Variants in NRG3 observed in about 807,000 individuals in gnomAD.
The protein encoded by NRG3 is pro-neuregulin-3, membrane-bound isoform.
NRG3 carries 31 observed loss-of-function variants against 66.9 expected under a neutral mutation model. That is an observed-to-expected ratio of 0.46 (90% CI 0.35 to 0.63). NRG3 has a LOEUF of 0.63. Among genes scored for constraint, NRG3 ranks in the 20% least tolerant of loss-of-function variants. The pLI, the probability that NRG3 is intolerant of heterozygous loss-of-function variation, is 0.00. For missense variants in NRG3, 910 were observed against 878.9 expected (o/e 1.04, Z -0.45); for synonymous variants, 393 against 359.4 (o/e 1.09, Z -1.06).
At chr10:82,579,694 A>G (rs1756745451) in intron 2 of NRG3, among the ~76,000 whole-genome samples, 1 of 151,954 alleles carries the variant, frequency 6.6e-6, no homozygotes, top group Admixed American at 6.6e-5. Flanking sequence ...TGTAGCAACA[A>G]ACATTTCCCC....
At chr10:82,849,807 G>C (rs1454688118) in intron 3 of NRG3, among the ~76,000 whole-genome samples, 1 of 152,170 alleles carries the variant, frequency 6.6e-6, no homozygotes, top group Non-Finnish European at 1.5e-5. Context: ...AGTGTGGTCA[G>C]AGAAGACCAC....
intron 1 of NRG3, among the ~76,000 whole-genome samples, chr10:82,179,258 C>T (rs971195847): frequency 6.6e-6 from 1 of 151,838 alleles, no homozygotes; most frequent in African/African-American, 2.4e-5. Flanking sequence ...TTGATTTAGT[C>T]TCACTTATCT....
rs11458166 is a variant in NRG3, at chr10:82,084,502, A to ACTTTT, written c.823+208339_823+208340insCTTTT. Among the ~76,000 whole-genome samples the ACTTTT allele has an allele frequency of 8.9e-5, 13 of 145,384 alleles. 1 individual carries two copies. Among genetic ancestry groups the ACTTTT allele is most frequent in the African/African-American group, 7.6e-5 (3 of 39,530 alleles). On this transcript the variant is annotated intron_variant, in intron 1 of 8. Coordinates refer to ENST00000372141, the MANE Select transcript of NRG3 (RefSeq NM_001010848.4). ...TCTCCAAATTTGGGACATATATGAG[A>ACTTTT]TTTTTTTTTTTTTTTGCCATCATAG...
chr10:82,486,219 A>G (rs1322530177), intron 2 of NRG3, among the ~76,000 whole-genome samples: 1 of 152,232 alleles, frequency 6.6e-6, no homozygotes. Flanking sequence ...GGACTGTAAA[A>G]TAGTGCAGCT....
In NRG3 at chr10:82,865,394, T is replaced by A. The variant is rs1162444862; in HGVS notation, c.1028-17T>A. 6.2e-7 allele frequency: 1 copy of A among 1,612,742 alleles called. No individual in the cohort carries two copies. The highest frequency in any genetic ancestry group is 2.2e-5 in the East Asian group (1 of 44,832). ...TCTTTTTCTCTTCCCCTTCCTTCCA[T>A]GCTGACTTTGGTGTAGCAGACCACT... On this transcript the variant is annotated splice_polypyrimidine_tract_variant and intron_variant, in intron 3 of 8. Transcript: ENST00000372141.
chr10:81,971,072 A>G (rs10786786), intron 1 of NRG3, among the ~76,000 whole-genome samples: 72,003 of 152,050 alleles, frequency 0.47, 21,601 homozygotes, highest in African/African-American at 0.82. Flanking sequence ...CCTGGGAGGC[A>G]GAGGTTGCAG....
chr10:82,965,054 G>C (rs532379786), intron 6 of NRG3, among the ~76,000 whole-genome samples: 2 of 152,314 alleles, frequency 1.3e-5, no homozygotes, highest in South Asian at 2.1e-4. Flanking sequence ...GGGCCAGTTG[G>C]ATGAATGCTT....
At chr10:82,565,600 G>A (rs2045350319) in intron 2 of NRG3, among the ~76,000 whole-genome samples, 1 of 152,016 alleles carries the variant, frequency 6.6e-6, no homozygotes, top group African/African-American at 2.4e-5. Context: ...TCCATCTGAA[G>A]CTGATTTTTG....
At chr10:82,498,088 TG>T (rs200407822) in intron 2 of NRG3, among the ~76,000 whole-genome samples, 259 of 151,904 alleles carry the variant, frequency 1.7e-3, no homozygotes, top group African/African-American at 5.0e-3. Flanking sequence ...TTGAGTTATT[TG>T]GTTTTTTTTT....
intron 2 of NRG3, among the ~76,000 whole-genome samples, chr10:82,500,531 C>T (rs549064352): frequency 7.9e-5 from 12 of 152,234 alleles, no homozygotes; most frequent in South Asian, 2.1e-4. Context: ...TCCTTGCTTC[C>T]GCTGCAGTGC....
chr10:82,543,467 A>G lies in NRG3; in HGVS notation c.953+184599A>G, dbSNP rs550127106. Among the ~76,000 whole-genome samples, 46 of 152,310 alleles carry G rather than the reference A, an allele frequency of 3.0e-4. No individual in the cohort carries two copies. The South Asian group carries it at 8.3e-3, about 27-fold the overall frequency. ...AAGTAATTTATCTGTCCATCTGTCC[A>G]TGTATCTATCCACCAATGTCTTTAT... On this transcript the variant is annotated intron_variant, in intron 2 of 8. Transcript: ENST00000372141.
chr10:82,286,513 T>C (rs1433230752), intron 1 of NRG3, among the ~76,000 whole-genome samples: 2 of 152,224 alleles, frequency 1.3e-5, no homozygotes, highest in East Asian at 3.8e-4. Flanking sequence ...ATATCTCATA[T>C]TCCTAACATG....
At chr10:82,592,686 A>G (rs1282943581) in intron 2 of NRG3, among the ~76,000 whole-genome samples, 1 of 152,134 alleles carries the variant, frequency 6.6e-6, no homozygotes, top group Non-Finnish European at 1.5e-5. Flanking sequence ...TCATGCAGCT[A>G]TCTATGCTGC....
At chr10:82,972,986 G>T (rs368294129) in intron 6 of NRG3, among the ~76,000 whole-genome samples, 171 of 152,162 alleles carry the variant, frequency 1.1e-3, no homozygotes, top group African/African-American at 3.9e-3. Flanking sequence ...CTTTTATTTT[G>T]ATTAGCATCC....
intron 1 of NRG3, among the ~76,000 whole-genome samples, chr10:82,301,411 G>T (rs1327611477): frequency 6.6e-6 from 1 of 151,936 alleles, no homozygotes; most frequent in Non-Finnish European, 1.5e-5. Flanking sequence ...ACTGTCTTGT[G>T]CCAGGCACTG....
intron 1 of NRG3, among the ~76,000 whole-genome samples, chr10:82,134,913 A>G (rs1293172929): frequency 1.3e-5 from 2 of 152,014 alleles, no homozygotes; most frequent in Non-Finnish European, 2.9e-5. Context: ...ACCTGAGGTC[A>G]GGAGTTCAAG....
Position 81,969,544 on chromosome 10 carries a change from A to G in NRG3, c.823+93381A>G, listed in dbSNP as rs2059849956. Among the ~76,000 whole-genome samples, 4 of 152,312 alleles carry G rather than the reference A, an allele frequency of 2.6e-5. No homozygotes were observed. In the South Asian group the frequency reaches 8.3e-4, roughly 32 times the overall value. On this transcript the variant is annotated intron_variant, in intron 1 of 8. Coordinates refer to ENST00000372141, the MANE Select transcript of NRG3 (RefSeq NM_001010848.4). Reference sequence around the variant, plus strand: ...AGCTGACATTTCATTTTAAAATGGAAAATGATACACAAAAAAATCCAGCGT... The same window carrying G: ...AGCTGACATTTCATTTTAAAATGGAGAATGATACACAAAAAAATCCAGCGT...
chr10:81,969,625 C>T (rs1217717350), intron 1 of NRG3, among the ~76,000 whole-genome samples: 5 of 152,200 alleles, frequency 3.3e-5, no homozygotes, highest in Non-Finnish European at 5.9e-5. Context: ...AGTTACCTTT[C>T]CCGTCACCAG....
intron 1 of NRG3, among the ~76,000 whole-genome samples, chr10:81,894,765 A>G (rs1248945571): frequency 6.6e-6 from 1 of 152,044 alleles, no homozygotes; most frequent in Non-Finnish European, 1.5e-5. Context: ...GTTCTGCTCC[A>G]TTGTGTGGGA....
Sources: allele counts gnomAD v4.1 joint callset (sites outside exome capture counted in the v4.1 genomes callset), GRCh38; gene constraint gnomAD v4.1.1; transcripts MANE v1.5; gene names NCBI Gene and HGNC (gene_info 2026-07-23, HGNC 2026-07-21).